The following RAB20 variants were observed in gnomAD, a reference collection of about 807,000 sequenced individuals.
RAB20 encodes ras-related protein Rab-20.
Under a neutral mutation model 3.7 loss-of-function variants are expected in RAB20, and 2 were observed. That is an observed-to-expected ratio of 0.54 (90% CI 0.22 to 1.69). The LOEUF is 1.69. Among genes scored for constraint, RAB20 ranks in the 40% most tolerant of loss-of-function variants. The pLI is 0.19. For synonymous variants in RAB20, 126 were observed against 130.8 expected, an observed-to-expected ratio of 0.96 and a Z score of 0.25; for missense variants, 276 against 311.9, an observed-to-expected ratio of 0.88 and a Z score of 0.87.
intron 1 of RAB20, among the ~76,000 whole-genome samples, chr13:110,558,694 G>GTT (rs67548367): frequency 0.01 from 524 of 50,888 alleles, 20 homozygotes; most frequent in African/African-American, 0.028. Flanking sequence ...CTTCCCATCT[G>GTT]TTTTTTTTTT....
intron 1 of RAB20, 90 bp from the exon 2 acceptor site, chr13:110,524,287 T>C (rs2296846): frequency 0.18 from 267,873 of 1,465,604 alleles, 25,248 homozygotes; most frequent in Admixed American, 0.26. Flanking sequence ...CCCACAGGGA[T>C]GTTTATTTTT....
chr13:110,523,720 ACT>A lies in RAB20; in HGVS notation c.648_649del (p.Val217GlyfsTer6). ...GGGTGGCTTATGACTGGATATATCC[ACT>A]GTGTGTGACGGCCTCTCAGCTCTCT... On this transcript the variant is annotated frameshift_variant, in exon 2 of 2. Transcript: ENST00000267328. LOFTEE classifies it high-confidence loss of function. The A allele has an allele frequency of 6.2e-7, 1 of 1,614,092 alleles. No individual in the cohort carries two copies. Among genetic ancestry groups the A allele is most frequent in the South Asian group, 1.1e-5 (1 of 91,074 alleles).
At chr13:110,547,440 C>T (rs1474839245) in intron 1 of RAB20, among the ~76,000 whole-genome samples, 1 of 152,220 alleles carries the variant, frequency 6.6e-6, no homozygotes, top group Non-Finnish European at 1.5e-5. Flanking sequence ...TTGGGTGCAG[C>T]AGGACTTTTC....
chr13:110,529,329 G>A (rs1344684201), intron 1 of RAB20, among the ~76,000 whole-genome samples: 1 of 152,192 alleles, frequency 6.6e-6, no homozygotes, highest in Non-Finnish European at 1.5e-5. Context: ...GTATCTCTCA[G>A]AATATTGATT....
intron 1 of RAB20, among the ~76,000 whole-genome samples, chr13:110,553,397 C>T (rs1323030004): frequency 6.6e-6 from 1 of 152,212 alleles, no homozygotes; most frequent in African/African-American, 2.4e-5. Flanking sequence ...TTTTTAGAAG[C>T]GTCTATACCT....
intron 1 of RAB20, among the ~76,000 whole-genome samples, chr13:110,525,755 A>G (rs1195037564): frequency 6.6e-6 from 1 of 152,126 alleles, no homozygotes; most frequent in Non-Finnish European, 1.5e-5. Flanking sequence ...CGTGCTTTTC[A>G]TCGTTGGACA....
chr13:110,548,607 A>AG (rs1436948666), intron 1 of RAB20, among the ~76,000 whole-genome samples: 1 of 151,994 alleles, frequency 6.6e-6, no homozygotes, highest in Admixed American at 6.6e-5. Context: ...TTTCTTGGTT[A>AG]GGTCTGTTCT....
chr13:110,551,554 G>A (rs1250638190), intron 1 of RAB20, among the ~76,000 whole-genome samples: 2 of 152,180 alleles, frequency 1.3e-5, no homozygotes, highest in Admixed American at 1.3e-4. Context: ...AGAAGAGACA[G>A]CACCAGGGAA....
Position 110,524,152 on chromosome 13 carries a change from G to A in RAB20, c.218C>T (p.Ala73Val), listed in dbSNP as rs780762082. The change falls in exon 2 of 2, where the codon GCG becomes GTG. Residue 73 changes from alanine (A) to valine (V), a missense_variant. Transcript: ENST00000267328. ...HGLGSMYCRG[A>V]AAIILTYDVN... ...ATCATAGGTGAGGATGATGGCGGCC[G>A]CCCCCCGGCAGTACATGGAGCCCAG... 4.4e-6 allele frequency: 7 copies of A among 1,605,942 alleles called. No individual in the cohort carries two copies. The Admixed American group carries it at 6.7e-5, about 15-fold the overall frequency.
At chr13:110,557,453 G>C (rs1885059011) in intron 1 of RAB20, among the ~76,000 whole-genome samples, 1 of 152,220 alleles carries the variant, frequency 6.6e-6, no homozygotes, top group African/African-American at 2.4e-5. Flanking sequence ...CCACCATCCG[G>C]AACGCCTGTG....
rs1480976880 is a variant in RAB20 at position 110,561,490 on chromosome 13, G to A, written c.30C>T (p.Leu10=). The change falls in exon 1 of 2, where the codon CTC becomes CTT. Residue 10 remains leucine, a synonymous_variant. Transcript: ENST00000267328. ...TCTTCCCCACGTTCATGTCCCCCAG[G>A]AGCACGATCTTGCTGTCGGGCTTCC... MRKPDSKIV[L]LGDMNVGKTS... The A allele has an allele frequency of 1.9e-6, 3 of 1,591,076 alleles. No homozygotes were observed. The highest frequency in any genetic ancestry group is 1.4e-5 in the African/African-American group (1 of 72,440).
chr13:110,534,036 G>T (rs891250367), intron 1 of RAB20, among the ~76,000 whole-genome samples: 1 of 152,178 alleles, frequency 6.6e-6, no homozygotes, highest in African/African-American at 2.4e-5. Context: ...GTATCTGGTC[G>T]GGCCCCGGTG....
chr13:110,545,909 C>G (rs1884842627), intron 1 of RAB20, among the ~76,000 whole-genome samples: 1 of 152,118 alleles, frequency 6.6e-6, no homozygotes, highest in Non-Finnish European at 1.5e-5. Flanking sequence ...TACTTCTGAG[C>G]TCTACATTCC....
At chr13:110,529,439 G>C (rs186882423) in intron 1 of RAB20, among the ~76,000 whole-genome samples, 1 of 152,114 alleles carries the variant, frequency 6.6e-6, no homozygotes, top group Non-Finnish European at 1.5e-5. Context: ...CCCCCAGACC[G>C]GAGTCCGTCA....
intron 1 of RAB20, among the ~76,000 whole-genome samples, chr13:110,545,706 G>A (rs1189320118): frequency 6.6e-6 from 1 of 152,164 alleles, no homozygotes; most frequent in Admixed American, 6.5e-5. Context: ...GTGCATCAGT[G>A]CCACCTTGGG....
intron 1 of RAB20, among the ~76,000 whole-genome samples, chr13:110,524,901 GC>G (rs1481010645): frequency 1.3e-5 from 2 of 152,244 alleles, no homozygotes; most frequent in African/African-American, 4.8e-5. Context: ...GGGTGCCGCA[GC>G]CCCGCCTGCC....
At chr13:110,545,506 G>T (rs555269404) in intron 1 of RAB20, among the ~76,000 whole-genome samples, 2 of 152,154 alleles carry the variant, frequency 1.3e-5, no homozygotes, top group Non-Finnish European at 2.9e-5. Flanking sequence ...ACTTGCCCAC[G>T]CTTAGCAGAG....
intron 1 of RAB20, among the ~76,000 whole-genome samples, chr13:110,558,707 T>G (rs1353363299): frequency 7.3e-6 from 1 of 137,540 alleles, no homozygotes. Context: ...TTTTTTTTTT[T>G]TTTTTTTTTT....
intron 1 of RAB20, among the ~76,000 whole-genome samples, chr13:110,543,949 A>T (rs553161840): frequency 6.6e-6 from 1 of 151,720 alleles, no homozygotes; most frequent in South Asian, 2.1e-4. Flanking sequence ...CAATTTTTGT[A>T]TTTTTAGTAG....
Sources: gnomAD v4.1 joint callset for allele counts (sites outside exome capture counted in the v4.1 genomes callset) on GRCh38, gnomAD v4.1.1 for gene constraint, MANE v1.5 for transcripts, NCBI Gene and HGNC (gene_info 2026-07-23, HGNC 2026-07-21) for gene names.